The following TM9SF3 variants were observed in gnomAD, a reference collection of about 807,000 sequenced individuals.
The protein encoded by TM9SF3 is transmembrane 9 superfamily member 3.
A neutral mutation model predicts 78.6 loss-of-function variants in TM9SF3; 14 were observed. The observed-to-expected ratio is 0.18, with a 90% CI of 0.12 to 0.28. The LOEUF (loss-of-function observed/expected upper bound fraction) is 0.28, where lower values mean the gene tolerates loss of function less well. Among genes scored for constraint, TM9SF3 ranks in the 10% least tolerant of loss-of-function variants. The pLI is 1.00. For synonymous variants in TM9SF3, 231 were observed against 241.7 expected, an observed-to-expected ratio of 0.96 and a Z score of 0.41; for missense variants, 496 against 721.9, an observed-to-expected ratio of 0.69 and a Z score of 3.59.
chr10:96,547,799 G>T, intron 8 of TM9SF3, 96 bp downstream of exon 8: 1 of 1,012,342 alleles, frequency 9.9e-7, no homozygotes, highest in Non-Finnish European at 1.5e-6. Context: ...CAGCCTGGGT[G>T]ATGGAGTGAG....
intron 4 of TM9SF3, chr10:96,560,263 A>G: frequency 1.3e-6 from 1 of 787,480 alleles, no homozygotes; most frequent in East Asian, 2.5e-5. Context: ...AAAGGCCAAC[A>G]AAGATGATCA....
intron 14 of TM9SF3, 22 bp downstream of exon 14, chr10:96,527,191 T>G: frequency 6.3e-7 from 1 of 1,591,392 alleles, no homozygotes; most frequent in Non-Finnish European, 8.6e-7. Context: ...ACTCATGATG[T>G]TCAAAGAATT....
At chr10:96,554,314 T>A (rs894861442) in intron 5 of TM9SF3, among the ~76,000 whole-genome samples, 2 of 152,198 alleles carry the variant, frequency 1.3e-5, no homozygotes, top group Non-Finnish European at 2.9e-5. Flanking sequence ...TCAATGTCAA[T>A]ACTTTTCAAA....
At chr10:96,541,186 T>C (rs1348780229) in intron 9 of TM9SF3, among the ~76,000 whole-genome samples, 2 of 145,634 alleles carry the variant, frequency 1.4e-5, no homozygotes, top group African/African-American at 5.1e-5. Context: ...GATGAAAACT[T>C]AGGATCTGAG....
At chr10:96,560,473 C>G (rs1848292248) in intron 4 of TM9SF3, 1 of 758,472 alleles carries the variant, frequency 1.3e-6, no homozygotes, top group South Asian at 1.3e-5. Flanking sequence ...ATCACACCAC[C>G]AGTGCTTTTA....
rs772691478 is a variant in TM9SF3, at chr10:96,565,396, A to G, written c.329T>C (p.Ile110Thr). ...DDVMPATYCE[I>T]DLDKEKRDAF... ...ATCTCTCTTTTCTTTATCTAAATCA[A>G]TTTCACAGTAAGTGGCTGGCATCAC... Residue 110 changes from isoleucine (I) to threonine (T), a missense_variant, in exon 3 of 15, where the codon ATT becomes ACT. By Grantham distance (89) the Ile-to-Thr change is moderately conservative. Coordinates refer to ENST00000371142, the MANE Select transcript of TM9SF3 (RefSeq NM_020123.4). 4 of 1,556,172 alleles carry G rather than the reference A, an allele frequency of 2.6e-6. No individual in the cohort carries two copies. The highest frequency in any genetic ancestry group is 3.4e-6 in the Non-Finnish European group (4 of 1,160,868).
In TM9SF3 at chr10:96,521,506, T is replaced by C. The variant is rs1297649523; in HGVS notation, c.*757A>G. The stretch of plus-strand genomic sequence containing the variant: ...TTAATAAAAACAAGTATCTTCTCCA[T>C]TTAACACTTTGCTTTCTAACTGTAC... On this transcript the variant is annotated 3_prime_UTR_variant, in exon 15 of 15. Transcript: ENST00000371142. 2.6e-5 allele frequency: 4 copies of C among 152,360 alleles called. No individual in the cohort carries two copies. Among genetic ancestry groups the C allele is most frequent in the Non-Finnish European group, 5.9e-5 (4 of 67,846 alleles). The allele number at this position is 152,360 out of a possible 1,614,324, so 9.4% of individuals were successfully genotyped here.
rs1292113214 is a variant in TM9SF3, at chr10:96,520,565, G to C, written c.*1698C>G. 3.7e-6 allele frequency: 1 copy of C among 269,478 alleles called. No homozygotes were observed. Among genetic ancestry groups the C allele is most frequent in the Non-Finnish European group, 6.9e-6 (1 of 144,820 alleles). 16.7% of individuals were successfully genotyped at this position (269,478 alleles called of 1,614,324 possible). A position where few individuals can be genotyped will look rare whatever the true frequency, so the allele number is the denominator to read the frequency against. On this transcript the variant is annotated 3_prime_UTR_variant, in exon 15 of 15. Transcript: ENST00000371142. ...GTCTTTCTAAAAATAACAATATAAA[G>C]TATTGTTTTAGGTGGTCATTTGCAT...
intron 9 of TM9SF3, among the ~76,000 whole-genome samples, chr10:96,537,292 C>CA (rs1256113777): frequency 2.0e-5 from 3 of 152,156 alleles, no homozygotes; most frequent in African/African-American, 7.2e-5. Context: ...TTTACATACA[C>CA]AAACACCACT....
rs1197028333 is a variant in TM9SF3 at position 96,586,910 on chromosome 10, T to G, written c.-75A>C. ...CGCCGCCTCCTCCGCCGCCGCCGCC[T>G]CCGCCGCGGCCGATTCGCATCCACG... On this transcript the variant is annotated 5_prime_UTR_variant, in exon 1 of 15. Transcript: ENST00000371142. 11 of 1,101,334 alleles carry G rather than the reference T, an allele frequency of 1.0e-5. No homozygotes were observed. Among genetic ancestry groups the G allele is most frequent in the Non-Finnish European group, 1.2e-5 (11 of 892,672 alleles). 68.2% of individuals were successfully genotyped at this position (1,101,334 alleles called of 1,614,324 possible). A position where few individuals can be genotyped will look rare whatever the true frequency, so the allele number is the denominator to read the frequency against.
chr10:96,571,664 C>CT (rs1397076640), intron 2 of TM9SF3, among the ~76,000 whole-genome samples: 2 of 152,142 alleles, frequency 1.3e-5, no homozygotes, highest in African/African-American at 4.8e-5. Flanking sequence ...CTCTTCCTAC[C>CT]TGCAGTACTC....
chr10:96,583,541 G>C (rs970402336), intron 1 of TM9SF3, among the ~76,000 whole-genome samples: 1 of 152,142 alleles, frequency 6.6e-6, no homozygotes, highest in African/African-American at 2.4e-5. Context: ...AAGGGGAATA[G>C]AGCATATGGC....
chr10:96,528,258 G>T, intron 11 of TM9SF3, 81 bp from the exon 12 acceptor site: 1 of 1,366,040 alleles, frequency 7.3e-7, no homozygotes, highest in Non-Finnish European at 9.7e-7. Context: ...TCACATTTTA[G>T]TTCTCATTTT....
chr10:96,568,627 T>C (rs1214423283), intron 2 of TM9SF3, among the ~76,000 whole-genome samples: 2 of 152,188 alleles, frequency 1.3e-5, no homozygotes, highest in Non-Finnish European at 2.9e-5. Context: ...CAGTATGCCA[T>C]ACTTTGTTTA....
chr10:96,584,005 G>C (rs1298271258), intron 1 of TM9SF3, among the ~76,000 whole-genome samples: 1 of 151,980 alleles, frequency 6.6e-6, no homozygotes, highest in African/African-American at 2.4e-5. Flanking sequence ...CTGTACTCCA[G>C]CCTGGGTGAC....
chr10:96,546,435 A>T (rs1159521898), intron 8 of TM9SF3, among the ~76,000 whole-genome samples: 3 of 152,244 alleles, frequency 2.0e-5, no homozygotes, highest in African/African-American at 4.8e-5. Context: ...GTCCAACTTT[A>T]AATAAATTTC....
At position 96,522,140 on chromosome 10, in the gene TM9SF3, A is replaced by G. The variant is rs947342011; in HGVS notation, c.*123T>C. ...TTACTTTAAGCCACCGACGAAAGAGAGACCCACAAAGTACCCAGTGTGTTA... is the reference window on the plus strand; with the variant it reads ...TTACTTTAAGCCACCGACGAAAGAGGGACCCACAAAGTACCCAGTGTGTTA... On this transcript the variant is annotated 3_prime_UTR_variant, in exon 15 of 15. Transcript: ENST00000371142. 18 of 761,290 alleles carry G rather than the reference A, an allele frequency of 2.4e-5. No homozygotes were observed. Among genetic ancestry groups the G allele is most frequent in the South Asian group, 2.1e-4 (12 of 58,064 alleles). The allele number at this position is 761,290 out of a possible 1,614,324, so 47.2% of individuals were successfully genotyped here. A position where few individuals can be genotyped will look rare whatever the true frequency, so the allele number is the denominator to read the frequency against.
intron 9 of TM9SF3, among the ~76,000 whole-genome samples, chr10:96,540,880 C>T (rs188446932): frequency 4.9e-5 from 7 of 142,376 alleles, no homozygotes; most frequent in South Asian, 2.2e-4. Flanking sequence ...CGGGTTCAAG[C>T]GATTCTCCTG....
chr10:96,563,770 C>G (rs1848337626), intron 3 of TM9SF3, among the ~76,000 whole-genome samples: 2 of 151,980 alleles, frequency 1.3e-5, no homozygotes, highest in Non-Finnish European at 2.9e-5. Context: ...AGAAGCTACT[C>G]TCTAAAAGGC....
Sources: allele counts gnomAD v4.1 joint callset (sites outside exome capture counted in the v4.1 genomes callset), GRCh38; gene constraint gnomAD v4.1.1; transcripts MANE v1.5; gene names NCBI Gene and HGNC (gene_info 2026-07-23, HGNC 2026-07-21).